The following ATAD2B variants were observed in gnomAD, a reference collection of about 807,000 sequenced individuals.
ATAD2B encodes the protein ATPase family AAA domain containing 2B, also known as ATPase family AAA domain-containing protein 2B.
ATAD2B carries 40 observed loss-of-function variants against 167.6 expected under a neutral mutation model. That is an observed-to-expected ratio of 0.24 (90% CI 0.19 to 0.31). ATAD2B has a LOEUF of 0.31. ATAD2B is among the 10% of genes least tolerant of loss of function. ATAD2B has a pLI of 1.00. For synonymous variants in ATAD2B, 579 were observed against 596.5 expected (o/e 0.97, Z 0.43); for missense variants, 1,242 against 1,757.2 (o/e 0.71, Z 5.24).
intron 1 of ATAD2B, among the ~76,000 whole-genome samples, chr2:23,911,714 C>T (rs894966143): frequency 2.0e-5 from 3 of 152,120 alleles, no homozygotes; most frequent in South Asian, 2.1e-4. Flanking sequence ...GTGACTCATG[C>T]TTATAATCCC....
Position 23,823,567 on chromosome 2 carries a change from A to G in ATAD2B, c.1822T>C (p.Tyr608His). Residue 608 changes from tyrosine (Y) to histidine (H), a missense_variant and splice_region_variant, in exon 16 of 28, where the codon TAC (tyrosine) becomes CAC (histidine). This residue lies in a region of ATAD2B where 151 missense variants were observed against 284.1 expected (regional missense o/e 0.53). Coordinates refer to ENST00000238789, the MANE Select transcript of ATAD2B (RefSeq NM_017552.4). ...AGGGCCTTGATATCGGCTCCACAGT[A>G]GCCTAATACACAAAAGGAGAAGGAT... ...LGELAEKCVG[Y>H]CGADIKALCT... 6.2e-7 allele frequency: 1 copy of G among 1,609,670 alleles called. No individual in the cohort carries two copies. The highest frequency in any genetic ancestry group is 8.5e-7 in the Non-Finnish European group (1 of 1,177,810).
chr2:23,873,433 G>C (rs1256607285), intron 8 of ATAD2B, among the ~76,000 whole-genome samples: 1 of 152,168 alleles, frequency 6.6e-6, no homozygotes, highest in Non-Finnish European at 1.5e-5. Flanking sequence ...GTATGCTTAA[G>C]TCCCTTACAT....
the ATAD2B span, among the ~76,000 whole-genome samples, chr2:23,733,770 C>G: frequency 6.6e-6 from 1 of 152,140 alleles, no homozygotes; most frequent in Non-Finnish European, 1.5e-5. Flanking sequence ...TCTAAATTTC[C>G]TAGAAATGAT....
Position 23,788,622 on chromosome 2 carries a change from T to C in ATAD2B, c.2666A>G (p.Tyr889Cys), listed in dbSNP as rs138185114. ...CCTTTGAATATACAAGACCTCTTCATACTGTATTCTAAAGATACATTTAAC... is the reference window on the plus strand; with the variant it reads ...CCTTTGAATATACAAGACCTCTTCACACTGTATTCTAAAGATACATTTAAC... Reference protein sequence around the residue: ...EEVKCIFRIQYEEVLYIQRPI... With the variant: ...EEVKCIFRIQCEEVLYIQRPI... Residue 889 changes from tyrosine (Y) to cysteine (C), a missense_variant, in exon 20 of 28, where the codon TAT (tyrosine) becomes TGT (cysteine). Tyr to Cys is a radical substitution (Grantham distance 194, BLOSUM62 -2). Transcript: ENST00000238789. 1 of 1,597,706 alleles carries C rather than the reference T, an allele frequency of 6.3e-7. No individual in the cohort carries two copies. Among genetic ancestry groups the C allele is most frequent in the Non-Finnish European group, 8.6e-7 (1 of 1,165,816 alleles).
At chr2:23,888,985 GA>G (rs1013331581) in intron 2 of ATAD2B, among the ~76,000 whole-genome samples, 3 of 152,132 alleles carry the variant, frequency 2.0e-5, no homozygotes, top group Admixed American at 2.0e-4. Context: ...TGAGGACTAG[GA>G]AAAAGTCACC....
intron 7 of ATAD2B, among the ~76,000 whole-genome samples, chr2:23,876,840 G>A (rs1217892578): frequency 2.0e-5 from 3 of 151,946 alleles, no homozygotes; most frequent in Non-Finnish European, 4.4e-5. Context: ...GGCCGAGGCA[G>A]GTGGATCACC....
chr2:23,893,846 C>T (rs72790310), intron 2 of ATAD2B, among the ~76,000 whole-genome samples: 18,199 of 151,408 alleles, frequency 0.12, 1,169 homozygotes, highest in Middle Eastern at 0.22. Context: ...TAGTATTTCA[C>T]AGAGATGAGG....
At chr2:23,919,198 G>GAC (rs1703528120) in intron 1 of ATAD2B, among the ~76,000 whole-genome samples, 1 of 151,652 alleles carries the variant, frequency 6.6e-6, no homozygotes, top group Non-Finnish European at 1.5e-5. Flanking sequence ...AAGAGAGAGA[G>GAC]AGAGAGATTG....
chr2:23,814,660 C>T (rs578040144), intron 17 of ATAD2B, among the ~76,000 whole-genome samples: 1 of 151,892 alleles, frequency 6.6e-6, no homozygotes, highest in East Asian at 1.9e-4. Flanking sequence ...GTACTGGGGA[C>T]AAGTTGTGGA....
At chr2:23,681,620 C>G in the ATAD2B span, among the ~76,000 whole-genome samples, 1 of 152,184 alleles carries the variant, frequency 6.6e-6, no homozygotes, top group Non-Finnish European at 1.5e-5. This position sits in a 1 kb window ranked among gnomAD's most constrained non-coding sequence, Gnocchi z 4.2. Flanking sequence ...AGGGGGCTAC[C>G]AAGCAGGTGT....
chr2:23,724,936 G>A, the ATAD2B span, among the ~76,000 whole-genome samples: 7 of 150,616 alleles, frequency 4.6e-5, no homozygotes, highest in East Asian at 1.4e-3. Context: ...CCAGCTACTT[G>A]GGAGGCTGAG....
chr2:23,706,744 CCAA>C, the ATAD2B span: 1 of 1,039,972 alleles, frequency 9.6e-7, no homozygotes, highest in African/African-American at 1.6e-5. Context: ...TCCAGCGACA[CCAA>C]CAAGAGGCCA....
chr2:23,884,938 C>G, intron 5 of ATAD2B, 65 bp from the exon 6 acceptor site: 1 of 1,004,200 alleles, frequency 1.0e-6, no homozygotes, highest in Admixed American at 2.9e-5. Context: ...AAAAAACAAC[C>G]CAATGGGACA....
intron 2 of ATAD2B, among the ~76,000 whole-genome samples, chr2:23,891,321 A>C (rs1260296078): frequency 2.6e-5 from 4 of 152,034 alleles, no homozygotes; most frequent in Admixed American, 1.3e-4. Flanking sequence ...CGCCCAGCCT[A>C]CACTGAGATT....
At chr2:23,803,609 A>G (rs191199806) in intron 18 of ATAD2B, among the ~76,000 whole-genome samples, 1 of 152,336 alleles carries the variant, frequency 6.6e-6, no homozygotes, top group Admixed American at 6.5e-5. Flanking sequence ...ATTGCTTTTT[A>G]ATATAGTTGA....
the ATAD2B span, chr2:23,685,241 C>CTT: frequency 3.6e-3 from 529 of 148,312 alleles, 4 homozygotes; most frequent in Non-Finnish European, 5.4e-3. Context: ...GCATGAGCAT[C>CTT]TTTTTTTTTT....
chr2:23,788,243 C>T, intron 20 of ATAD2B: 1 of 369,364 alleles, frequency 2.7e-6, no homozygotes, highest in Non-Finnish European at 5.0e-6. Context: ...TTTTCTATGA[C>T]TTTTTGAGCC....
intron 18 of ATAD2B, among the ~76,000 whole-genome samples, chr2:23,808,024 TATTA>T (rs1160390844): frequency 1.7e-5 from 1 of 58,338 alleles, no homozygotes; most frequent in Admixed American, 2.1e-4. Context: ...ATTATTTATT[TATTA>T]TATATGTAAT....
At chr2:23,772,402 C>T (rs950911233) in intron 22 of ATAD2B, among the ~76,000 whole-genome samples, 4 of 152,142 alleles carry the variant, frequency 2.6e-5, no homozygotes, top group Admixed American at 1.3e-4. Context: ...AGTAGCTATA[C>T]TTTCAAGTTG....
Sources: allele counts gnomAD v4.1 joint callset (sites outside exome capture counted in the v4.1 genomes callset), GRCh38; gene constraint gnomAD v4.1.1; regional missense constraint gnomAD v4.1.1; non-coding constraint Gnocchi (gnomAD v3.1); transcripts MANE v1.5; gene names NCBI Gene and HGNC (gene_info 2026-07-23, HGNC 2026-07-21).